ZNF214: variants seen among roughly 807,000 people sequenced by gnomAD.
ZNF214 encodes the protein BWSCR2-associated zinc finger protein 1.
Under a neutral mutation model 53.9 loss-of-function variants are expected in ZNF214, and 43 were observed. The observed-to-expected ratio is 0.80, with a 90% CI of 0.63 to 1.03. The LOEUF is 1.03. ZNF214 is among the 50% of genes least tolerant of loss of function. The pLI is 0.00. For missense variants in ZNF214, 724 were observed against 719.1 expected, an observed-to-expected ratio of 1.01 and a Z score of -0.08; for synonymous variants, 217 against 229.5, an observed-to-expected ratio of 0.95 and a Z score of 0.49.
At chr11:7,015,483 A>C (rs1487021647) in intron 1 of ZNF214, among the ~76,000 whole-genome samples, 1 of 152,004 alleles carries the variant, frequency 6.6e-6, no homozygotes, top group Non-Finnish European at 1.5e-5. Context: ...AGGCTGAGGC[A>C]TGAGAATCAC....
chr11:7,001,121 G>A lies in ZNF214; in HGVS notation c.562C>T (p.His188Tyr). ...MEKEQKLIVQHSYIPVEEALP... is the reference protein window; with the variant it reads ...MEKEQKLIVQYSYIPVEEALP... Reference sequence around the variant, plus strand: ...GCTTCCTCCACTGGGATATAAGAATGCTGAACTATGAGCTTCTGTTCTTTT... The same window carrying A: ...GCTTCCTCCACTGGGATATAAGAATACTGAACTATGAGCTTCTGTTCTTTT... Residue 188 changes from histidine to tyrosine, a missense_variant, in exon 3 of 3, where the codon CAT becomes TAT. His to Tyr is a moderately conservative substitution (Grantham distance 83). Transcript: ENST00000278314. The A allele has an allele frequency of 6.2e-7, 1 of 1,613,288 alleles. No individual in the cohort carries two copies.
chr11:7,010,166 C>T (rs1851571644), intron 1 of ZNF214, among the ~76,000 whole-genome samples: 1 of 151,998 alleles, frequency 6.6e-6, no homozygotes, highest in Non-Finnish European at 1.5e-5. Context: ...ATGGAATCAA[C>T]CTAAATGCCC....
chr11:7,010,968 T>G (rs924973527), intron 1 of ZNF214, among the ~76,000 whole-genome samples: 1 of 150,494 alleles, frequency 6.6e-6, no homozygotes, highest in African/African-American at 2.4e-5. Context: ...AAAAATAAAA[T>G]GGCAAAATAG....
In ZNF214 at chr11:6,999,995, A is replaced by T. The variant is rs745642954; in HGVS notation, c.1688T>A (p.Phe563Tyr). The T allele has an allele frequency of 2.5e-6, 4 of 1,613,202 alleles. No homozygotes were observed. Among genetic ancestry groups the T allele is most frequent in the Non-Finnish European group, 1.7e-6 (2 of 1,179,534 alleles). ...PYQCAKCGKG[F>Y]SHSSALRIHQ... ...AATTCGAAGAGCTGAGCTATGACTG[A>T]AACCTTTACCACACTTAGCACATTG... Residue 563 changes from phenylalanine (F) to tyrosine (Y), a missense_variant, in exon 3 of 3, where the codon TTC (phenylalanine) becomes TAC (tyrosine). Physicochemically the swap from Phe to Tyr is conservative, Grantham distance 22. Coordinates refer to ENST00000278314, the MANE Select transcript of ZNF214 (RefSeq NM_013249.4).
chr11:7,012,173 C>T (rs190453360), intron 1 of ZNF214, among the ~76,000 whole-genome samples: 84 of 152,190 alleles, frequency 5.5e-4, no homozygotes, highest in African/African-American at 1.5e-3. Flanking sequence ...TCAGAAGAGA[C>T]AAATAGACCA....
rs755480737 is a variant in ZNF214, at chr11:6,999,842, G to GT, written c.*19dup. The GT allele has an allele frequency of 1.9e-6, 3 of 1,577,034 alleles. No individual in the cohort carries two copies. The South Asian group carries it at 3.5e-5, about 19-fold the overall frequency. On this transcript the variant is annotated 3_prime_UTR_variant, in exon 3 of 3. Transcript: ENST00000278314. ...GGTTAGGTAAACTTTGATTAAAGCT[G>GT]TTAACTAAATGAACAATATTTATAA...
chr11:7,000,226 T>C lies in ZNF214; in HGVS notation c.1457A>G (p.His486Arg). The change falls in exon 3 of 3, where the codon CAC becomes CGC. Residue 486 changes from histidine to arginine, a missense_variant. Coordinates refer to ENST00000278314, the MANE Select transcript of ZNF214 (RefSeq NM_013249.4). Reference protein sequence around the residue: ...GKGFSKSSKLHTHQRVHTGEK... With the variant: ...GKGFSKSSKLRTHQRVHTGEK... ...TCCAGTATGTACTCTTTGATGAGTG[T>C]GAAGCTTTGAACTCTTACTGAAGCC... 1 of 1,613,360 alleles carries C rather than the reference T, an allele frequency of 6.2e-7. No homozygotes were observed. Among genetic ancestry groups the C allele is most frequent in the South Asian group, 1.1e-5 (1 of 91,048 alleles).
intron 2 of ZNF214, among the ~76,000 whole-genome samples, chr11:7,001,909 C>T (rs10839679): frequency 0.62 from 93,870 of 151,818 alleles, 29,290 homozygotes; most frequent in East Asian, 0.74. Context: ...ATTTTGTATG[C>T]TCTTATAAGA....
At chr11:7,001,615 C>T in intron 2 of ZNF214, 60 bp from the exon 3 acceptor site, 1 of 1,509,506 alleles carries the variant, frequency 6.6e-7, no homozygotes, top group East Asian at 2.3e-5. Flanking sequence ...AAATTTCCAA[C>T]TATCTAAATC....
Position 6,997,118 on chromosome 11 carries a change from A to G in ZNF214, c.*2744T>C, listed in dbSNP as rs1407221333. 6.6e-6 allele frequency among the ~76,000 whole-genome samples: 1 copy of G among 151,882 alleles called. No homozygotes were observed. The highest frequency in any genetic ancestry group is 1.9e-4 in the East Asian group (1 of 5,180). Reference sequence around the variant, plus strand: ...TATTTCCCCGTTTTTTATTATTTTCATTCTGCATTTTTGTAAATTAAAAAC... The same window carrying G: ...TATTTCCCCGTTTTTTATTATTTTCGTTCTGCATTTTTGTAAATTAAAAAC... On this transcript the variant is annotated 3_prime_UTR_variant, in exon 3 of 3. Coordinates refer to ENST00000278314, the MANE Select transcript of ZNF214 (RefSeq NM_013249.4).
rs75558609 is a variant in ZNF214 at position 6,997,770 on chromosome 11, C to A, written c.*2092G>T. ...AAATGTATGAAATTTTAGTGTAAGT[C>A]CCATGCAATATTTGGGACACCCTTA... On this transcript the variant is annotated 3_prime_UTR_variant, in exon 3 of 3. Coordinates refer to ENST00000278314, the MANE Select transcript of ZNF214 (RefSeq NM_013249.4). Among the ~76,000 whole-genome samples, 5,937 of 151,770 alleles carry A rather than the reference C, an allele frequency of 0.039. 383 individuals are homozygous for A. Among genetic ancestry groups the A allele is most frequent in the African/African-American group, 0.13 (5,344 of 41,420 alleles).
chr11:7,003,728 C>T (rs1026884411), intron 1 of ZNF214, among the ~76,000 whole-genome samples: 5 of 151,834 alleles, frequency 3.3e-5, no homozygotes, highest in African/African-American at 1.2e-4. Flanking sequence ...GAAAGATGTA[C>T]TGAAATATTC....
chr11:7,009,095 T>C (rs1371214433), intron 1 of ZNF214, among the ~76,000 whole-genome samples: 1 of 152,056 alleles, frequency 6.6e-6, no homozygotes, highest in Non-Finnish European at 1.5e-5. Context: ...AAAATTCATA[T>C]GGAACCAAAA....
rs4036021 is a variant in ZNF214, at chr11:6,999,542, C to CAATAT, written c.*319_*320insATATT. On this transcript the variant is annotated 3_prime_UTR_variant, in exon 3 of 3. Coordinates refer to ENST00000278314, the MANE Select transcript of ZNF214 (RefSeq NM_013249.4). ...CAGTGAAAATACAAAATTGAACACA[C>CAATAT]AATTTCATGCACATTAAAATGCACA... 0.27 allele frequency: 44,545 copies of CAATAT among 163,798 alleles called. 6,160 individuals carry two copies. Among genetic ancestry groups the CAATAT allele is most frequent in the Admixed American group, 0.34 (5,188 of 15,202 alleles). 10.1% of individuals were successfully genotyped at this position (163,798 alleles called of 1,614,324 possible). A position where few individuals can be genotyped will look rare whatever the true frequency, so the allele number is the denominator to read the frequency against.
In ZNF214 at chr11:7,000,176, ACT is replaced by A. The variant is rs1380968038; in HGVS notation, c.1505_1506del (p.Glu502ValfsTer25). ...GAACGCTGACTGAATCCCTTGCCAC[ACT>A]CTTCACATTTGTAGGGTTTCTCTCC... ...HTGEKPYKCE[E>X]CGKGFSQRSH... On this transcript the variant is annotated frameshift_variant, in exon 3 of 3. Coordinates refer to ENST00000278314, the MANE Select transcript of ZNF214 (RefSeq NM_013249.4). LOFTEE classifies it high-confidence loss of function. 2 of 1,612,916 alleles carry A rather than the reference ACT, an allele frequency of 1.2e-6. No homozygotes were observed. The highest frequency in any genetic ancestry group is 2.7e-5 in the African/African-American group (2 of 74,742).
intron 1 of ZNF214, among the ~76,000 whole-genome samples, chr11:7,010,057 C>G (rs1366112885): frequency 6.6e-6 from 1 of 151,978 alleles, no homozygotes; most frequent in East Asian, 1.9e-4. Context: ...CCCAGAAATC[C>G]CATTACTGGG....
Position 7,000,478 on chromosome 11 carries a change from C to A in ZNF214, c.1205G>T (p.Arg402Leu). Reference sequence around the variant, plus strand: ...TCCTGTGTGTACTAACTGATGAATTCGAAGATTTGAGCTCTGGCTGAAACC... The same window carrying A: ...TCCTGTGTGTACTAACTGATGAATTAGAAGATTTGAGCTCTGGCTGAAACC... ...GKGFSQSSNL[R>L]IHQLVHTGEK... The change falls in exon 3 of 3, where the codon CGA becomes CTA. Residue 402 changes from arginine (R) to leucine (L), a missense_variant. Transcript: ENST00000278314. 5 of 1,612,968 alleles carry A rather than the reference C, an allele frequency of 3.1e-6. No homozygotes were observed. The highest frequency in any genetic ancestry group is 1.1e-5 in the South Asian group (1 of 90,998).
At chr11:7,012,394 GTACTT>G (rs1851626282) in intron 1 of ZNF214, among the ~76,000 whole-genome samples, 1 of 151,858 alleles carries the variant, frequency 6.6e-6, no homozygotes, top group Non-Finnish European at 1.5e-5. Context: ...GATCAAGTAA[GTACTT>G]AAATGTTAAG....
chr11:6,999,350 G>C lies in ZNF214; in HGVS notation c.*512C>G, dbSNP rs1851262222. 6.5e-6 allele frequency: 1 copy of C among 153,010 alleles called. No individual in the cohort carries two copies. The highest frequency in any genetic ancestry group is 1.5e-5 in the Non-Finnish European group (1 of 68,790). 9.5% of individuals were successfully genotyped at this position (153,010 alleles called of 1,614,324 possible). On this transcript the variant is annotated 3_prime_UTR_variant, in exon 3 of 3. Coordinates refer to ENST00000278314, the MANE Select transcript of ZNF214 (RefSeq NM_013249.4). Reference sequence around the variant, plus strand: ...TCCTATCTTTTATTAGGTGGCTTTTGTCCATAAACAATTGAATTCTACCGG... The same window carrying C: ...TCCTATCTTTTATTAGGTGGCTTTTCTCCATAAACAATTGAATTCTACCGG...
Sources: gnomAD v4.1 joint callset for allele counts (sites outside exome capture counted in the v4.1 genomes callset) on GRCh38, gnomAD v4.1.1 for gene constraint, MANE v1.5 for transcripts, NCBI Gene and HGNC (gene_info 2026-07-23, HGNC 2026-07-21) for gene names.